Variants in TMEM132D observed in about 807,000 individuals in gnomAD.
TMEM132D encodes transmembrane protein 132D, also known as mature OL transmembrane protein.
TMEM132D carries 21 observed loss-of-function variants against 62.3 expected under a neutral mutation model. The observed-to-expected ratio is 0.34, with a 90% CI of 0.24 to 0.49. TMEM132D has a LOEUF of 0.49. Ranked by LOEUF, TMEM132D falls within the 20% of genes least tolerant of loss-of-function variation. The pLI, the probability that TMEM132D is intolerant of heterozygous loss-of-function variation, is 0.99. For synonymous variants in TMEM132D, 621 were observed against 575.6 expected (o/e 1.08, Z -1.13); for missense variants, 1,346 against 1,402.8 (o/e 0.96, Z 0.65).
At chr12:129,746,268 C>T (rs1297669566) in intron 1 of TMEM132D, among the ~76,000 whole-genome samples, 1 of 152,138 alleles carries the variant, frequency 6.6e-6, no homozygotes. Flanking sequence ...GTCTGTGTCT[C>T]ATCTTTACTG....
intron 2 of TMEM132D, among the ~76,000 whole-genome samples, chr12:129,691,823 C>G (rs976742833): frequency 5.9e-5 from 9 of 152,106 alleles, no homozygotes; most frequent in South Asian, 4.1e-4. Flanking sequence ...AATACAGCAG[C>G]TAACTCTATA....
chr12:129,768,024 T>G (rs530378878), intron 1 of TMEM132D, among the ~76,000 whole-genome samples: 1 of 152,238 alleles, frequency 6.6e-6, no homozygotes, highest in African/African-American at 2.4e-5. Context: ...TTCACTATCA[T>G]GAGAACAGCA....
Position 129,770,140 on chromosome 12 carries a change from G to GTTTTTTTT in TMEM132D, c.80-69443_80-69442insAAAAAAAA, listed in dbSNP as rs375230592. Among the ~76,000 whole-genome samples, 21 of 104,338 alleles carry GTTTTTTTT rather than the reference G, an allele frequency of 2.0e-4. 3 individuals carry two copies. Among genetic ancestry groups the GTTTTTTTT allele is most frequent in the East Asian group, 3.0e-4 (1 of 3,384 alleles). The allele number at this position is 104,338 out of a possible 152,430, so 68.4% of individuals were successfully genotyped here. A position where few individuals can be genotyped will look rare whatever the true frequency, so the allele number is the denominator to read the frequency against. On this transcript the variant is annotated intron_variant, in intron 1 of 8. Transcript: ENST00000422113. ...ATGAGATTCTTTGTGGGTTTTTTTG[G>GTTTTTTTT]TTGTTTTTTTTTTTTTTTTTTGAGA...
intron 2 of TMEM132D, among the ~76,000 whole-genome samples, chr12:129,567,198 C>T (rs950045943): frequency 1.3e-5 from 2 of 152,150 alleles, no homozygotes; most frequent in African/African-American, 4.8e-5. Flanking sequence ...GACATTGGTG[C>T]TGATATTTAA....
chr12:129,812,233 C>G (rs981631708), intron 1 of TMEM132D, among the ~76,000 whole-genome samples: 4 of 151,706 alleles, frequency 2.6e-5, no homozygotes, highest in Admixed American at 6.6e-5. Context: ...TTCTATTTAT[C>G]TCTTTCTCTT....
chr12:129,294,053 A>C (rs867711389), intron 4 of TMEM132D, among the ~76,000 whole-genome samples: 98 of 152,352 alleles, frequency 6.4e-4, no homozygotes, highest in African/African-American at 2.3e-3. Context: ...GCACCCTTGT[A>C]AAGTTATAAA....
chr12:129,198,026 T>C (rs993668890), intron 5 of TMEM132D, among the ~76,000 whole-genome samples: 2 of 152,178 alleles, frequency 1.3e-5, no homozygotes, highest in Non-Finnish European at 2.9e-5. Context: ...ATAGATACAT[T>C]TTAAAATGCT....
chr12:129,763,432 CTTTTTT>C (rs3046897), intron 1 of TMEM132D, among the ~76,000 whole-genome samples: 1 of 142,558 alleles, frequency 7.0e-6, no homozygotes, highest in Non-Finnish European at 1.5e-5. Context: ...AGATTTCTGG[CTTTTTT>C]TTTTTTTCTG....
At position 129,574,707 on chromosome 12, in the gene TMEM132D, C is replaced by T. The variant is rs80344630; in HGVS notation, c.969-43502G>A. ...CAGCATCCACAGCGAGATGAAAACCCGAGAATATAGCTCAGGGCTTTTTCA... is the reference window on the plus strand; with the variant it reads ...CAGCATCCACAGCGAGATGAAAACCTGAGAATATAGCTCAGGGCTTTTTCA... On this transcript the variant is annotated intron_variant, in intron 2 of 8. Transcript: ENST00000422113. Among the ~76,000 whole-genome samples the T allele has an allele frequency of 5.3e-5, 8 of 151,734 alleles. No individual in the cohort carries two copies. The East Asian group carries it at 9.7e-4, about 18-fold the overall frequency.
At chr12:129,590,114 A>G (rs1291216362) in intron 2 of TMEM132D, among the ~76,000 whole-genome samples, 1 of 151,936 alleles carries the variant, frequency 6.6e-6, no homozygotes, top group Admixed American at 6.6e-5. Flanking sequence ...TGCTCTTTTT[A>G]TATTTTGAAT....
At chr12:129,181,144 C>T (rs1267514611) in intron 5 of TMEM132D, among the ~76,000 whole-genome samples, 1 of 152,134 alleles carries the variant, frequency 6.6e-6, no homozygotes. Context: ...TCAAACCCAA[C>T]TAAGTCCAAT....
intron 3 of TMEM132D, chr12:129,521,218 G>C (rs1181559889): frequency 6.6e-6 from 1 of 152,154 alleles, no homozygotes; most frequent in Non-Finnish European, 1.5e-5. Context: ...GATACGAGTT[G>C]AATTTACACC....
intron 1 of TMEM132D, among the ~76,000 whole-genome samples, chr12:129,743,793 T>C (rs1384507993): frequency 6.6e-6 from 1 of 152,082 alleles, no homozygotes; most frequent in African/African-American, 2.4e-5. Flanking sequence ...GACAACATGA[T>C]GAAAGAGGGG....
chr12:129,082,533 G>A (rs1313059166), intron 6 of TMEM132D, among the ~76,000 whole-genome samples: 2 of 152,228 alleles, frequency 1.3e-5, no homozygotes, highest in African/African-American at 2.4e-5. Context: ...GTGACCTCTG[G>A]CCAGCACCAG....
chr12:129,824,397 T>A (rs1401433961), intron 1 of TMEM132D, among the ~76,000 whole-genome samples: 1 of 152,202 alleles, frequency 6.6e-6, no homozygotes, highest in Non-Finnish European at 1.5e-5. Flanking sequence ...TATCAGCTTC[T>A]AACCAATATT....
intron 1 of TMEM132D, among the ~76,000 whole-genome samples, chr12:129,790,577 T>C (rs760187405): frequency 4.6e-5 from 7 of 152,138 alleles, no homozygotes; most frequent in Non-Finnish European, 1.5e-5. Context: ...TCTCCTCTTC[T>C]CCTCTGCTCT....
chr12:129,341,460 T>C (rs1201894954), intron 3 of TMEM132D, among the ~76,000 whole-genome samples: 2 of 152,220 alleles, frequency 1.3e-5, no homozygotes. Context: ...TTTCTGATTG[T>C]TCCTGAGTGG....
At position 129,371,459 on chromosome 12, in the gene TMEM132D, G is replaced by A. The variant is rs967993325; in HGVS notation, c.1116-33642C>T. Reference sequence around the variant, plus strand: ...TGATGATGTGATATTGATGATGGTGGTAATGACGATGATGATGTGATAATG... The same window carrying A: ...TGATGATGTGATATTGATGATGGTGATAATGACGATGATGATGTGATAATG... On this transcript the variant is annotated intron_variant, in intron 3 of 8. Coordinates refer to ENST00000422113, the MANE Select transcript of TMEM132D (RefSeq NM_133448.3). This position sits in a 1 kb window ranked among gnomAD's most constrained non-coding sequence, Gnocchi z 4.3. Among the ~76,000 whole-genome samples, 1 of 151,768 alleles carries A rather than the reference G, an allele frequency of 6.6e-6. No individual in the cohort carries two copies. Among genetic ancestry groups the A allele is most frequent in the Admixed American group, 6.6e-5 (1 of 15,224 alleles).
chr12:129,892,591 G>C (rs544822619), intron 1 of TMEM132D, among the ~76,000 whole-genome samples: 171 of 151,838 alleles, frequency 1.1e-3, no homozygotes, highest in South Asian at 0.01. Context: ...AAATGCACTT[G>C]CATAACTGTA....
Sources: allele counts gnomAD v4.1 joint callset (sites outside exome capture counted in the v4.1 genomes callset), GRCh38; gene constraint gnomAD v4.1.1; non-coding constraint Gnocchi (gnomAD v3.1); transcripts MANE v1.5; gene names NCBI Gene and HGNC (gene_info 2026-07-23, HGNC 2026-07-21).